Variants in ANKRD31 observed in about 807,000 individuals in gnomAD.
ANKRD31 encodes ankyrin repeat domain-containing protein 31.
In ANKRD31, 147 loss-of-function variants were observed where a neutral mutation model predicts 186.0. The observed-to-expected ratio is 0.79, with a 90% CI of 0.69 to 0.91. The LOEUF is 0.91. Ranked by LOEUF, ANKRD31 falls within the 40% of genes least tolerant of loss-of-function variation. The probability of loss-of-function intolerance (pLI) is 0.00; values close to 1 mark genes in which losing one functional copy is unlikely to be tolerated. For missense variants in ANKRD31, 1,986 were observed against 2,148.8 expected (o/e 0.92, Z 1.50); for synonymous variants, 673 against 736.4 (o/e 0.91, Z 1.39).
At chr5:75,207,594 A>G (rs1756339825) in intron 4 of ANKRD31, among the ~76,000 whole-genome samples, 1 of 152,156 alleles carries the variant, frequency 6.6e-6, no homozygotes, top group African/African-American at 2.4e-5. Context: ...ACATTTTTAA[A>G]AACATTATGA....
intron 6 of ANKRD31, among the ~76,000 whole-genome samples, chr5:75,199,319 C>A (rs1166736303): frequency 6.6e-6 from 1 of 152,108 alleles, no homozygotes; most frequent in Non-Finnish European, 1.5e-5. Context: ...AAAAGCAAAT[C>A]CAAAGCAGGA....
At position 75,100,931 on chromosome 5, in the gene ANKRD31, T is replaced by A. The variant is rs145675499; in HGVS notation, c.5331+3297A>T. Among the ~76,000 whole-genome samples, 1,210 of 152,300 alleles carry A rather than the reference T, an allele frequency of 7.9e-3. 26 individuals are homozygous for A. The highest frequency in any genetic ancestry group is 0.027 in the African/African-American group (1,119 of 41,560). On this transcript the variant is annotated intron_variant, in intron 22 of 25. Transcript: ENST00000506364. ...GCATTTAGTCCATTTACATTTAAGG[T>A]TAATATTGTTATGTATGAATTTGAT...
intron 10 of ANKRD31, among the ~76,000 whole-genome samples, chr5:75,173,204 C>T (rs1015726942): frequency 6.6e-6 from 1 of 152,158 alleles, no homozygotes; most frequent in Non-Finnish European, 1.5e-5. Context: ...ATGCTAAAAA[C>T]TCTCAATAAA....
intron 22 of ANKRD31, among the ~76,000 whole-genome samples, chr5:75,096,565 T>C (rs1746335426): frequency 6.6e-6 from 1 of 152,162 alleles, no homozygotes; most frequent in African/African-American, 2.4e-5. Context: ...CTTGTGGCGA[T>C]TTCATCATGA....
intron 22 of ANKRD31, among the ~76,000 whole-genome samples, chr5:75,100,856 A>C (rs1276996947): frequency 2.0e-5 from 3 of 152,088 alleles, no homozygotes; most frequent in Non-Finnish European, 4.4e-5. Flanking sequence ...CAGCACACTG[A>C]TGGGTCTTGA....
Position 75,148,943 on chromosome 5 carries a change from T to C in ANKRD31, c.1853-315A>G, listed in dbSNP as rs1184843210. Among the ~76,000 whole-genome samples, 3 of 151,984 alleles carry C rather than the reference T, an allele frequency of 2.0e-5. No individual in the cohort carries two copies. The East Asian group carries it at 5.8e-4, about 29-fold the overall frequency. On this transcript the variant is annotated intron_variant, in intron 12 of 25. Transcript: ENST00000506364. The stretch of plus-strand genomic sequence containing the variant: ...ATCCAGATATGACCTTTTTATTCAA[T>C]AGATTATGTAACTGTGTGCAAGCTA...
At chr5:75,229,864 CA>C (rs1210080751) in intron 2 of ANKRD31, among the ~76,000 whole-genome samples, 581 of 37,860 alleles carry the variant, frequency 0.015, 1 homozygote, top group African/African-American at 0.046. Flanking sequence ...GACTCTGTCT[CA>C]AAAAAAAAAA....
At chr5:75,224,703 AT>A (rs898654192) in intron 2 of ANKRD31, among the ~76,000 whole-genome samples, 1 of 152,154 alleles carries the variant, frequency 6.6e-6, no homozygotes, top group Admixed American at 6.5e-5. Flanking sequence ...AAGATTAAAA[AT>A]GTATCTTTAT....
At chr5:75,135,162 G>C (rs1464790160) in intron 17 of ANKRD31, among the ~76,000 whole-genome samples, 1 of 152,118 alleles carries the variant, frequency 6.6e-6, no homozygotes, top group African/African-American at 2.4e-5. Context: ...GGAAGTTCTG[G>C]CCAGGGCAAT....
At chr5:75,072,074 C>T (rs1055521944) in intron 25 of ANKRD31, among the ~76,000 whole-genome samples, 1 of 152,192 alleles carries the variant, frequency 6.6e-6, no homozygotes, top group Non-Finnish European at 1.5e-5. Context: ...GCCAGATTAC[C>T]CAATACAATT....
intron 5 of ANKRD31, among the ~76,000 whole-genome samples, chr5:75,204,464 T>G (rs1756020599): frequency 6.6e-6 from 1 of 152,248 alleles, no homozygotes; most frequent in African/African-American, 2.4e-5. Context: ...GAGAATGCTT[T>G]AAGTTTTACT....
At position 75,068,845 on chromosome 5, in the gene ANKRD31, T is replaced by C. The variant is rs1743970197; in HGVS notation, c.5648-181A>G. Among the ~76,000 whole-genome samples, 3 of 152,170 alleles carry C rather than the reference T, an allele frequency of 2.0e-5. No homozygotes were observed. The South Asian group carries it at 6.2e-4, about 32-fold the overall frequency. ...TCAAGACAAAGCTATGAACCAGCAT[T>C]GGTTGATCTTGGGAAAGAGGGGCCT... On this transcript the variant is annotated intron_variant, in intron 25 of 25. Coordinates refer to ENST00000506364, the MANE Select transcript of ANKRD31 (RefSeq NM_001372053.1).
In ANKRD31 at chr5:75,144,049, G is replaced by T. The variant is rs1751244973; in HGVS notation, c.3547C>A (p.Gln1183Lys). 2.5e-6 allele frequency: 1 copy of T among 397,422 alleles called. No individual in the cohort carries two copies. The highest frequency in any genetic ancestry group is 1.3e-4 in the South Asian group (1 of 7,838). The allele number at this position is 397,422 out of a possible 1,614,324, so 24.6% of individuals were successfully genotyped here. ...PTNSQEHKTV[Q>K]NFRKRQSFLK... ...AAACTTTGTCTTTTTCTGAAATTCT[G>T]AACTGTTTTGTGTTCTTGGCTATTA... The change falls in exon 15 of 26, where the codon CAG (glutamine) becomes AAG (lysine). Residue 1183 changes from glutamine (Q) to lysine (K), a missense_variant. Gln to Lys is a moderately conservative substitution (Grantham distance 53). Transcript: ENST00000506364.
intron 23 of ANKRD31, among the ~76,000 whole-genome samples, chr5:75,090,411 A>C (rs1745835940): frequency 1.3e-5 from 2 of 151,486 alleles, no homozygotes; most frequent in African/African-American, 2.4e-5. Flanking sequence ...TCTGGGACAC[A>C]GAATATAGAC....
chr5:75,236,769 GA>G lies in ANKRD31; in HGVS notation c.-84del. The G allele has an allele frequency of 1.9e-6, 2 of 1,038,568 alleles. No homozygotes were observed. Among genetic ancestry groups the G allele is most frequent in the Non-Finnish European group, 2.8e-6 (2 of 726,832 alleles). The allele number at this position is 1,038,568 out of a possible 1,614,324, so 64.3% of individuals were successfully genotyped here. A position where few individuals can be genotyped will look rare whatever the true frequency, so the allele number is the denominator to read the frequency against. Reference sequence around the variant, plus strand: ...CAAAAAAACGCTTTGAGGGCCAGGGGAAATTGTGAATTAAAAATAAAAATAA... The same window carrying G: ...CAAAAAAACGCTTTGAGGGCCAGGGGAATTGTGAATTAAAAATAAAAATAA... On this transcript the variant is annotated 5_prime_UTR_variant, in exon 1 of 26. Transcript: ENST00000506364.
At chr5:75,139,040 G>A in intron 15 of ANKRD31, 57 bp from the exon 16 acceptor site, 1 of 1,511,782 alleles carries the variant, frequency 6.6e-7, no homozygotes, top group Admixed American at 2.1e-5. Flanking sequence ...TGTTATAAAG[G>A]ATCTTAGAAA....
chr5:75,108,786 C>T (rs1168589902), intron 20 of ANKRD31, among the ~76,000 whole-genome samples: 1 of 152,078 alleles, frequency 6.6e-6, no homozygotes, highest in East Asian at 1.9e-4. Flanking sequence ...AAAATGTGTA[C>T]AATCAATAAG....
intron 20 of ANKRD31, 43 bp downstream of exon 20, chr5:75,112,470 G>T: frequency 7.8e-7 from 1 of 1,275,276 alleles, no homozygotes; most frequent in Non-Finnish European, 1.1e-6. Context: ...AGATGACCTT[G>T]GGTATCTGAA....
chr5:75,104,132 C>A, intron 22 of ANKRD31, 96 bp downstream of exon 22: 1 of 1,090,976 alleles, frequency 9.2e-7, no homozygotes, highest in Admixed American at 3.0e-5. Context: ...AACCCCATTT[C>A]CCTAATCAGA....
Sources: allele counts gnomAD v4.1 joint callset (sites outside exome capture counted in the v4.1 genomes callset), GRCh38; gene constraint gnomAD v4.1.1; transcripts MANE v1.5; gene names NCBI Gene and HGNC (gene_info 2026-07-23, HGNC 2026-07-21).